Variants in IGF1R observed in about 807,000 individuals in gnomAD.
The protein encoded by IGF1R is insulin like growth factor 1 receptor, also known as insulin-like growth factor 1 receptor.
In IGF1R, 44 loss-of-function variants were observed where a neutral mutation model predicts 144.6. That is an observed-to-expected ratio of 0.30 (90% CI 0.24 to 0.39). The LOEUF is 0.39. Ranked by LOEUF, IGF1R falls within the 10% of genes least tolerant of loss-of-function variation. IGF1R has a pLI of 1.00. For synonymous variants in IGF1R, 795 were observed against 722.8 expected (o/e 1.10, Z -1.60); for missense variants, 1,355 against 1,833.7 (o/e 0.74, Z 4.77).
intron 15 of IGF1R, 30 bp from the exon 16 acceptor site, chr15:98,934,794 T>C (rs752415556): frequency 3.8e-6 from 6 of 1,588,928 alleles, no homozygotes; most frequent in Admixed American, 1.7e-5. Context: ...CTTGTTTCTG[T>C]ACCTGCTTTA....
chr15:98,889,335 G>A (rs1372336240), intron 2 of IGF1R, among the ~76,000 whole-genome samples: 1 of 152,196 alleles, frequency 6.6e-6, no homozygotes, highest in African/African-American at 2.4e-5. Context: ...TCACCTATTT[G>A]CAGCGAAATA....
Position 98,924,543 on chromosome 15 carries a change from T to C in IGF1R, c.2641T>C (p.Ser881Pro), listed in dbSNP as rs2015628032. ...SQVEDQRECV[S>P]RQEYRKYGGA... is the part of the protein sequence containing the mutation. ...TCCCCAGGATCAGCGAGAATGTGTG[T>C]CCAGACAGGAATACAGGAAGTATGG... is the stretch of plus-strand genomic sequence containing the variant. Residue 881 changes from serine (S) to proline (P), a missense_variant, in exon 13 of 21, where the codon TCC becomes CCC. Physicochemically the swap from Ser to Pro is moderately conservative, Grantham distance 74. Transcript: ENST00000650285. 1 of 1,613,988 alleles carries C rather than the reference T, an allele frequency of 6.2e-7. No individual in the cohort carries two copies. The highest frequency in any genetic ancestry group is 8.5e-7 in the Non-Finnish European group (1 of 1,180,012).
intron 2 of IGF1R, among the ~76,000 whole-genome samples, chr15:98,860,507 T>G (rs958473965): frequency 3.3e-5 from 5 of 152,244 alleles, no homozygotes; most frequent in Admixed American, 6.5e-5. Flanking sequence ...TTTTGTGCAC[T>G]ATCATGCTGG....
chr15:98,860,392 C>A (rs34084444), intron 2 of IGF1R, among the ~76,000 whole-genome samples: 27,545 of 152,182 alleles, frequency 0.18, 3,251 homozygotes, highest in East Asian at 0.42. Flanking sequence ...AGGCCTCTCA[C>A]AGCAAGTCTC....
intron 19 of IGF1R, among the ~76,000 whole-genome samples, chr15:98,943,596 A>T (rs961868377): frequency 6.6e-6 from 1 of 152,236 alleles, no homozygotes; most frequent in Admixed American, 6.5e-5. Context: ...AATCATAAAC[A>T]GTGTCTACCA....
At chr15:98,939,472 C>CG (rs1255743074) in intron 18 of IGF1R, 112 bp downstream of exon 18, 1 of 981,196 alleles carries the variant, frequency 1.0e-6, no homozygotes, top group African/African-American at 1.6e-5. Context: ...CTTGAGTGCA[C>CG]GGACTCCTTC....
At chr15:98,693,251 T>C (rs2053520065) in intron 1 of IGF1R, among the ~76,000 whole-genome samples, 1 of 152,208 alleles carries the variant, frequency 6.6e-6, no homozygotes, top group South Asian at 2.1e-4. Flanking sequence ...ATAGAGGTGA[T>C]GTTGGCTACG....
intron 2 of IGF1R, among the ~76,000 whole-genome samples, chr15:98,818,032 CAT>C (rs1295862549): frequency 7.9e-5 from 12 of 152,300 alleles, no homozygotes; most frequent in African/African-American, 2.4e-4. Context: ...ACTGTATCCT[CAT>C]ATAGTGGTGG....
intron 2 of IGF1R, among the ~76,000 whole-genome samples, chr15:98,831,551 C>G (rs1445496486): frequency 6.6e-6 from 1 of 152,186 alleles, no homozygotes; most frequent in African/African-American, 2.4e-5. Context: ...CATAAAAGGT[C>G]ATGCCAACAC....
intron 1 of IGF1R, among the ~76,000 whole-genome samples, chr15:98,705,465 C>A (rs2053838619): frequency 6.6e-6 from 1 of 152,118 alleles, no homozygotes; most frequent in African/African-American, 2.4e-5. Flanking sequence ...ACTTGACTTC[C>A]CCAAATCTGT....
chr15:98,915,819 C>A (rs1471832710), intron 8 of IGF1R, 145 bp from the exon 9 acceptor site: 1 of 776,724 alleles, frequency 1.3e-6, no homozygotes, highest in Non-Finnish European at 2.3e-6. Context: ...AAATAAGGTT[C>A]ACTTTTCACT....
chr15:98,810,321 G>A (rs2141455063), intron 2 of IGF1R, among the ~76,000 whole-genome samples: 1 of 152,222 alleles, frequency 6.6e-6, no homozygotes, highest in African/African-American at 2.4e-5. Context: ...AGTGAAGCTA[G>A]CATTCACATA....
chr15:98,656,182 G>A, intron 1 of IGF1R, among the ~76,000 whole-genome samples: 1 of 152,208 alleles, frequency 6.6e-6, no homozygotes, highest in East Asian at 1.9e-4. Context: ...GGGGCGGCTG[G>A]CTAGTCACAT....
rs199998842 is a variant in IGF1R at position 98,957,491 on chromosome 15, C to T, written c.*49C>T. On this transcript the variant is annotated 3_prime_UTR_variant, in exon 21 of 21. Coordinates refer to ENST00000650285, the MANE Select transcript of IGF1R (RefSeq NM_000875.5). ...AACAGTAACGTGTGCGCACGCGCAG[C>T]GGGGTGGGGGGGGAGAGAGAGTTTT... is the stretch of plus-strand genomic sequence containing the variant. The T allele has an allele frequency of 2.6e-4, 414 of 1,607,656 alleles. No homozygotes were observed. In the Middle Eastern group the frequency reaches 3.5e-3, roughly 14 times the overall value.
In IGF1R at chr15:98,964,023, G is replaced by A. The variant is rs529311642; in HGVS notation, c.*6581G>A. 5.0e-4 allele frequency: 116 copies of A among 233,080 alleles called. No individual in the cohort carries two copies. Among genetic ancestry groups the A allele is most frequent in the Admixed American group, 1.3e-3 (24 of 17,788 alleles). The allele number at this position is 233,080 out of a possible 1,614,324, so 14.4% of individuals were successfully genotyped here. The stretch of plus-strand genomic sequence containing the variant: ...TTGGCGTTGCACACACACATCCACC[G>A]GTGGAAGAGACGCCCGGTGAAAACA... On this transcript the variant is annotated 3_prime_UTR_variant, in exon 21 of 21. Coordinates refer to ENST00000650285, the MANE Select transcript of IGF1R (RefSeq NM_000875.5).
chr15:98,946,019 G>C (rs1193280888), intron 19 of IGF1R, among the ~76,000 whole-genome samples: 2 of 152,002 alleles, frequency 1.3e-5, no homozygotes, highest in African/African-American at 4.8e-5. Context: ...TGATGACGAT[G>C]ATGACGATGA....
chr15:98,881,286 G>A (rs1315366384), intron 2 of IGF1R, among the ~76,000 whole-genome samples: 1 of 152,084 alleles, frequency 6.6e-6, no homozygotes, highest in African/African-American at 2.4e-5. Flanking sequence ...AACTCCCATA[G>A]CCCCTTCCTT....
At chr15:98,893,514 C>T (rs2014030835) in intron 3 of IGF1R, 1 of 152,210 alleles carries the variant, frequency 6.6e-6, no homozygotes, top group Admixed American at 6.5e-5. Context: ...CTGGTGCACA[C>T]CTCGGGCCCA....
At chr15:98,841,856 C>G (rs969429897) in intron 2 of IGF1R, among the ~76,000 whole-genome samples, 5 of 152,160 alleles carry the variant, frequency 3.3e-5, no homozygotes, top group African/African-American at 1.2e-4. Context: ...GATACACTTA[C>G]AAAGAAGTTC....
Sources: allele counts gnomAD v4.1 joint callset (sites outside exome capture counted in the v4.1 genomes callset), GRCh38; gene constraint gnomAD v4.1.1; transcripts MANE v1.5; gene names NCBI Gene and HGNC (gene_info 2026-07-23, HGNC 2026-07-21).